Variants in BCKDHB observed in about 807,000 individuals in gnomAD.
The protein encoded by BCKDHB is 2-oxoisovalerate dehydrogenase subunit beta, mitochondrial.
Under a neutral mutation model 48.5 loss-of-function variants are expected in BCKDHB, and 41 were observed. The observed-to-expected ratio is 0.85, with a 90% CI of 0.66 to 1.10. The LOEUF is 1.10. Among genes scored for constraint, BCKDHB ranks in the 50% least tolerant of loss-of-function variants. The probability of loss-of-function intolerance (pLI) is 0.00; values close to 1 mark genes in which losing one functional copy is unlikely to be tolerated. For synonymous variants in BCKDHB, 201 were observed against 174.8 expected, an observed-to-expected ratio of 1.15 and a Z score of -1.18; for missense variants, 496 against 494.2, an observed-to-expected ratio of 1.00 and a Z score of -0.03.
At chr6:80,132,693 A>G (rs1770688859) in intron 3 of BCKDHB, among the ~76,000 whole-genome samples, 1 of 152,172 alleles carries the variant, frequency 6.6e-6, no homozygotes, top group Non-Finnish European at 1.5e-5. Flanking sequence ...AATTTTTACA[A>G]TAGTTTTAGG....
the BCKDHB span, among the ~76,000 whole-genome samples, chr6:80,401,803 T>C: frequency 1.1e-4 from 16 of 151,876 alleles, no homozygotes; most frequent in Non-Finnish European, 7.4e-5. Context: ...ATATTTTAGA[T>C]TTCACATATA....
At chr6:80,416,162 T>A in the BCKDHB span, among the ~76,000 whole-genome samples, 1 of 152,002 alleles carries the variant, frequency 6.6e-6, no homozygotes, top group Non-Finnish European at 1.5e-5. Context: ...TTCTCTCTTT[T>A]CTTCTTAGTC....
chr6:80,452,423 C>G, the BCKDHB span, among the ~76,000 whole-genome samples: 1 of 151,846 alleles, frequency 6.6e-6, no homozygotes, highest in African/African-American at 2.4e-5. Flanking sequence ...TAGCATTATG[C>G]AAACATAATA....
chr6:80,464,063 C>T, the BCKDHB span, among the ~76,000 whole-genome samples: 2 of 152,074 alleles, frequency 1.3e-5, no homozygotes, highest in African/African-American at 2.4e-5. Flanking sequence ...TCTACCCGAC[C>T]GAGTCTGCCT....
chr6:80,147,017 A>T (rs1259058067), intron 3 of BCKDHB, among the ~76,000 whole-genome samples: 1 of 152,156 alleles, frequency 6.6e-6, no homozygotes, highest in East Asian at 1.9e-4. Context: ...TACTTGCTAC[A>T]TTAATATAAT....
intron 8 of BCKDHB, among the ~76,000 whole-genome samples, chr6:80,248,263 G>T (rs1282345373): frequency 6.6e-6 from 1 of 152,098 alleles, no homozygotes; most frequent in East Asian, 1.9e-4. Context: ...TTTAATCTGT[G>T]TCTTAAGGCT....
chr6:80,187,592 C>T (rs55771911), intron 6 of BCKDHB, among the ~76,000 whole-genome samples: 2 of 152,134 alleles, frequency 1.3e-5, no homozygotes, highest in Non-Finnish European at 2.9e-5. Context: ...TAACAAAGGT[C>T]TAATATACAG....
At chr6:80,387,726 A>G in the BCKDHB span, among the ~76,000 whole-genome samples, 1 of 152,230 alleles carries the variant, frequency 6.6e-6, no homozygotes, top group Admixed American at 6.5e-5. Flanking sequence ...GGCCAGCAAT[A>G]TACTGTTACT....
At chr6:80,450,262 C>G in the BCKDHB span, among the ~76,000 whole-genome samples, 2 of 152,114 alleles carry the variant, frequency 1.3e-5, no homozygotes, top group African/African-American at 4.8e-5. Context: ...AAAGTACTTT[C>G]AAAAATAAGA....
At chr6:80,279,200 CT>C (rs576866309) in intron 9 of BCKDHB, among the ~76,000 whole-genome samples, 7 of 152,190 alleles carry the variant, frequency 4.6e-5, no homozygotes, top group Admixed American at 1.3e-4. Flanking sequence ...ATCACCCAGG[CT>C]GGAGTGCAGT....
intron 9 of BCKDHB, among the ~76,000 whole-genome samples, chr6:80,290,871 C>T (rs1345438041): frequency 6.6e-6 from 1 of 152,220 alleles, no homozygotes; most frequent in African/African-American, 2.4e-5. Flanking sequence ...TTATTTATGC[C>T]TCCCCTTTTT....
chr6:80,115,419 A>G (rs1204178943), intron 1 of BCKDHB, among the ~76,000 whole-genome samples: 1 of 152,168 alleles, frequency 6.6e-6, no homozygotes, highest in Non-Finnish European at 1.5e-5. Flanking sequence ...TTAGAATAAG[A>G]TAGAGGTACA....
chr6:80,393,791 C>T, the BCKDHB span, among the ~76,000 whole-genome samples: 1 of 152,134 alleles, frequency 6.6e-6, no homozygotes, highest in East Asian at 1.9e-4. Context: ...TCATTTATTT[C>T]CTACGTTGAA....
At chr6:80,127,751 G>A (rs1770422105) in intron 2 of BCKDHB, 127 bp downstream of exon 2, 3 of 902,500 alleles carry the variant, frequency 3.3e-6, no homozygotes, top group Admixed American at 3.4e-5. Flanking sequence ...AGGTATGATT[G>A]GGGCTAAATA....
the BCKDHB span, among the ~76,000 whole-genome samples, chr6:80,432,401 T>C: frequency 6.6e-6 from 1 of 152,162 alleles, no homozygotes; most frequent in Non-Finnish European, 1.5e-5. Flanking sequence ...TTTTCTCTAA[T>C]CTTGTCTTCT....
intron 3 of BCKDHB, among the ~76,000 whole-genome samples, chr6:80,165,529 G>C (rs1315886025): frequency 6.6e-6 from 1 of 152,164 alleles, no homozygotes; most frequent in Non-Finnish European, 1.5e-5. Context: ...TTGGATTATG[G>C]AAGTGAAATA....
chr6:80,184,920 T>C (rs1773573809), intron 6 of BCKDHB, among the ~76,000 whole-genome samples: 1 of 152,202 alleles, frequency 6.6e-6, no homozygotes, highest in South Asian at 2.1e-4. Context: ...GCCTAGGAGA[T>C]GATCTTTTTG....
chr6:80,463,815 T>C, the BCKDHB span, among the ~76,000 whole-genome samples: 2 of 152,152 alleles, frequency 1.3e-5, no homozygotes, highest in Non-Finnish European at 2.9e-5. Flanking sequence ...CTTCCTCACT[T>C]TACATATGGG....
At chr6:80,248,927 TG>T (rs1776726900) in intron 8 of BCKDHB, among the ~76,000 whole-genome samples, 3 of 151,090 alleles carry the variant, frequency 2.0e-5, no homozygotes, top group Non-Finnish European at 3.0e-5. Flanking sequence ...TGTGTGTGTG[TG>T]TATGTGTATT....
Sources: gnomAD v4.1 joint callset for allele counts (sites outside exome capture counted in the v4.1 genomes callset) on GRCh38, gnomAD v4.1.1 for gene constraint, MANE v1.5 for transcripts, NCBI Gene and HGNC (gene_info 2026-07-23, HGNC 2026-07-21) for gene names.